The following GATA2 variants were observed in gnomAD, a reference collection of about 807,000 sequenced individuals.
GATA2 encodes GATA binding protein 2.
A neutral mutation model predicts 35.7 loss-of-function variants in GATA2; 6 were observed. That is an observed-to-expected ratio of 0.17 (90% confidence interval 0.09 to 0.33). The LOEUF is 0.33. Ranked by LOEUF, GATA2 falls within the 10% of genes least tolerant of loss-of-function variation. The pLI, the probability that GATA2 is intolerant of heterozygous loss-of-function variation, is 1.00. For synonymous variants in GATA2, 313 were observed against 274.9 expected (o/e 1.14, Z -1.37); for missense variants, 541 against 656.6 (o/e 0.82, Z 1.92).
rs11708606 is a variant in GATA2, at chr3:128,481,963, G to T, written c.1018-19C>A. 1 of 1,611,694 alleles carries T rather than the reference G, an allele frequency of 6.2e-7. No individual in the cohort carries two copies. Among genetic ancestry groups the T allele is most frequent in the Non-Finnish European group, 8.5e-7 (1 of 1,179,828 alleles). ...CGGCCGACTGGGAGGGCAAGGCAGCGTCAGCAGGCTGGACTCCCACGCCCA... is the reference window on the plus strand; with the variant it reads ...CGGCCGACTGGGAGGGCAAGGCAGCTTCAGCAGGCTGGACTCCCACGCCCA... On this transcript the variant is annotated intron_variant, in intron 4 of 5. Transcript: ENST00000341105.
intron 1 of GATA2, chr3:128,489,889 AT>A (rs2068751664): frequency 6.6e-6 from 1 of 152,214 alleles, no homozygotes; most frequent in African/African-American, 2.4e-5. Context: ...CCCAGGGATA[AT>A]CCCCCGTGTC....
chr3:128,484,737 G>A (rs981293326), intron 3 of GATA2, among the ~76,000 whole-genome samples: 3 of 151,976 alleles, frequency 2.0e-5, no homozygotes, highest in South Asian at 2.1e-4. Flanking sequence ...GCAAGCTGAC[G>A]GGTCTGAGCA....
intron 5 of GATA2, 52 bp from the exon 6 acceptor site, chr3:128,481,370 T>TC: frequency 6.3e-7 from 1 of 1,581,232 alleles, no homozygotes; most frequent in Non-Finnish European, 8.6e-7. Flanking sequence ...CCAGCAACAT[T>TC]CCTCCCACCC....
At chr3:128,490,914 A>G (rs1254149067) in intron 1 of GATA2, among the ~76,000 whole-genome samples, 2 of 152,166 alleles carry the variant, frequency 1.3e-5, no homozygotes, top group East Asian at 3.8e-4. Context: ...TCGGGAGTAT[A>G]GTTGGAAATG....
intron 4 of GATA2, 106 bp from the exon 5 acceptor site, chr3:128,482,050 G>T: frequency 7.1e-7 from 1 of 1,418,056 alleles, no homozygotes; most frequent in Non-Finnish European, 9.7e-7. Flanking sequence ...GTCAAGGAGG[G>T]CTAAATCTCA....
intron 4 of GATA2, among the ~76,000 whole-genome samples, chr3:128,482,800 CAG>C (rs2068646346): frequency 6.6e-6 from 1 of 152,364 alleles, no homozygotes; most frequent in Non-Finnish European, 1.5e-5. Flanking sequence ...CCCAAGAAAA[CAG>C]ATCCCCTCTC....
intron 1 of GATA2, chr3:128,487,812 T>C (rs2107674456): frequency 6.6e-6 from 1 of 152,408 alleles, no homozygotes; most frequent in South Asian, 2.1e-4. Flanking sequence ...GTCCGGAGGC[T>C]GGCGGGGCTT....
rs982905636 is a variant in GATA2 at position 128,479,573 on chromosome 3, A to C, written c.*1446T>G. ...ATCCAAAATAAAACAAGCCAAATAA[A>C]ACATAAAAACAGAAAATACTGCCGA... On this transcript the variant is annotated 3_prime_UTR_variant, in exon 6 of 6. Coordinates refer to ENST00000341105, the MANE Select transcript of GATA2 (RefSeq NM_032638.5). 2 of 233,606 alleles carry C rather than the reference A, an allele frequency of 8.6e-6. No individual in the cohort carries two copies. The highest frequency in any genetic ancestry group is 1.7e-5 in the Non-Finnish European group (2 of 117,980). The allele number at this position is 233,606 out of a possible 1,614,324, so 14.5% of individuals were successfully genotyped here.
Position 128,480,840 on chromosome 3 carries a change from C to A in GATA2, c.*179G>T, listed in dbSNP as rs2068616450. Reference sequence around the variant, plus strand: ...CAGCGGTCAGGTGCGGAGGCAGCCTCTCAGCGGTGGGGAACATTCACAGTA... The same window carrying A: ...CAGCGGTCAGGTGCGGAGGCAGCCTATCAGCGGTGGGGAACATTCACAGTA... On this transcript the variant is annotated 3_prime_UTR_variant, in exon 6 of 6. Coordinates refer to ENST00000341105, the MANE Select transcript of GATA2 (RefSeq NM_032638.5). 1 of 685,710 alleles carries A rather than the reference C, an allele frequency of 1.5e-6. No homozygotes were observed. The highest frequency in any genetic ancestry group is 1.8e-5 in the African/African-American group (1 of 55,486). 42.5% of individuals were successfully genotyped at this position (685,710 alleles called of 1,614,324 possible).
chr3:128,479,605 T>C lies in GATA2; in HGVS notation c.*1414A>G, dbSNP rs2068598417. The C allele has an allele frequency of 8.6e-6, 2 of 233,550 alleles. No individual in the cohort carries two copies. The highest frequency in any genetic ancestry group is 1.1e-4 in the Admixed American group (2 of 17,786). The allele number at this position is 233,550 out of a possible 1,614,324, so 14.5% of individuals were successfully genotyped here. ...AAACAGAAAATACTGCCGATTCTTT[T>C]TCTTATGCGGACACTAGTACAAAAT... On this transcript the variant is annotated 3_prime_UTR_variant, in exon 6 of 6. Transcript: ENST00000341105.
rs1371798524 is a variant in GATA2 at position 128,486,359 on chromosome 3, G to T, written c.239C>A (p.Thr80Asn). The T allele has an allele frequency of 1.2e-6, 2 of 1,601,356 alleles. No homozygotes were observed. Among genetic ancestry groups the T allele is most frequent in the Non-Finnish European group, 1.7e-6 (2 of 1,177,976 alleles). Residue 80 changes from threonine to asparagine, a missense_variant, in exon 3 of 6, where the codon ACC becomes AAC. Coordinates refer to ENST00000341105, the MANE Select transcript of GATA2 (RefSeq NM_032638.5). ...VSYSPAHARLTGGQMCRPHLL... is the reference protein window; with the variant it reads ...VSYSPAHARLNGGQMCRPHLL... ...GTGTGGGCGGCACATCTGGCCTCCG[G>T]TCAGGCGGGCTGCGGGCAAAGAGAG...
Position 128,486,071 on chromosome 3 carries a change from G to T in GATA2, c.527C>A (p.Thr176Lys), listed in dbSNP as rs750157738. The change falls in exon 3 of 6, where the codon ACG (threonine) becomes AAG (lysine). Residue 176 changes from threonine (T) to lysine (K), a missense_variant. Thr to Lys is a moderately conservative substitution (Grantham distance 78). This residue lies in a region of GATA2 where 389 missense variants were observed against 396.9 expected (regional missense o/e 0.98). Coordinates refer to ENST00000341105, the MANE Select transcript of GATA2 (RefSeq NM_032638.5). ...GTCAGGAGACACTTCTTTGGGTGGC[G>T]TGGGTGGGAAGCCGAAAAGGTGGGA... ...SGSHLFGFPP[T>K]PPKEVSPDPS... 3 of 1,614,026 alleles carry T rather than the reference G, an allele frequency of 1.9e-6. No homozygotes were observed. In the South Asian group the frequency reaches 3.3e-5, roughly 18 times the overall value.
intron 3 of GATA2, 33 bp from the exon 4 acceptor site, chr3:128,484,038 G>A (rs1250950985): frequency 6.2e-7 from 1 of 1,605,828 alleles, no homozygotes; most frequent in East Asian, 2.2e-5. Context: ...ACGGGGGCCT[G>A]CTTAACCGGC....
At chr3:128,491,192 T>TCTCCCC (rs908243672) in intron 1 of GATA2, among the ~76,000 whole-genome samples, 6 of 125,262 alleles carry the variant, frequency 4.8e-5, no homozygotes, top group Non-Finnish European at 6.5e-5. Context: ...GATGCCCAGG[T>TCTCCCC]CTCCCCGGCC....
In GATA2 at chr3:128,488,170, C is replaced by T. The variant is rs918981789; in HGVS notation, c.-45-1094G>A. 6.6e-6 allele frequency among the ~76,000 whole-genome samples: 1 copy of T among 152,140 alleles called. No individual in the cohort carries two copies. The highest frequency in any genetic ancestry group is 1.5e-5 in the Non-Finnish European group (1 of 68,016). On this transcript the variant is annotated intron_variant, in intron 1 of 5. Transcript: ENST00000341105. The surrounding 1 kb of genome is among the most constrained non-coding windows in gnomAD (Gnocchi z 5.8). ...TCACCCCAAGGCCCGACCCCTGCAG[C>T]CCCTCTTGCGAACACTCCGGGATCC...
intron 4 of GATA2, among the ~76,000 whole-genome samples, chr3:128,483,544 C>A (rs970286907): frequency 2.6e-5 from 4 of 152,100 alleles, no homozygotes; most frequent in African/African-American, 9.7e-5. Context: ...TACTTCATGG[C>A]CCTATTTTTA....
At chr3:128,492,312 C>G (rs941577999) in intron 1 of GATA2, 11 of 152,262 alleles carry the variant, frequency 7.2e-5, no homozygotes, top group South Asian at 2.1e-4. Flanking sequence ...TTCAAGCCCG[C>G]GGCGGCCCCA....
chr3:128,486,682 A>G (rs1166993869), intron 2 of GATA2, 121 bp downstream of exon 2: 7 of 1,107,002 alleles, frequency 6.3e-6, no homozygotes, highest in East Asian at 5.2e-5. Context: ...TCCCGCCCCA[A>G]TTTTTCAGCA....
In GATA2 at chr3:128,486,306, G is replaced by T; in HGVS notation, c.292C>A (p.Leu98Met). Residue 98 changes from leucine (L) to methionine (M), a missense_variant, in exon 3 of 6, where the codon CTG becomes ATG. Leu to Met is a conservative substitution (Grantham distance 15, BLOSUM62 2). Transcript: ENST00000341105. Reference sequence around the variant, plus strand: ...GAGAGGGCTGCTTTGCCCCCGTCCAGCCAGGGCAAACCCGGGCTGTGCAAC... The same window carrying T: ...GAGAGGGCTGCTTTGCCCCCGTCCATCCAGGGCAAACCCGGGCTGTGCAAC... ...HLLHSPGLPW[L>M]DGGKAALSAA... is the part of the protein sequence containing the mutation. The T allele has an allele frequency of 6.3e-7, 1 of 1,594,164 alleles. No homozygotes were observed. The highest frequency in any genetic ancestry group is 8.5e-7 in the Non-Finnish European group (1 of 1,173,070).
Sources: allele counts gnomAD v4.1 joint callset (sites outside exome capture counted in the v4.1 genomes callset), GRCh38; gene constraint gnomAD v4.1.1; regional missense constraint gnomAD v4.1.1; non-coding constraint Gnocchi (gnomAD v3.1); transcripts MANE v1.5; gene names NCBI Gene and HGNC (gene_info 2026-07-23, HGNC 2026-07-21).